Variants in VPS33B observed in about 807,000 individuals in gnomAD.
The protein encoded by VPS33B is vacuolar protein sorting-associated protein 33B.
A neutral mutation model predicts 95.3 loss-of-function variants in VPS33B; 80 were observed. That is an observed-to-expected ratio of 0.84 (90% CI 0.70 to 1.01). The LOEUF (loss-of-function observed/expected upper bound fraction) is 1.01, where lower values mean the gene tolerates loss of function less well. Among genes scored for constraint, VPS33B ranks in the 50% least tolerant of loss-of-function variants. The pLI, the probability that VPS33B is intolerant of heterozygous loss-of-function variation, is 0.00. For synonymous variants in VPS33B, 280 were observed against 280.4 expected, an observed-to-expected ratio of 1.00 and a Z score of 0.01; for missense variants, 715 against 773.4, an observed-to-expected ratio of 0.92 and a Z score of 0.90.
intron 1 of VPS33B, 41 bp from the exon 2 acceptor site, chr15:91,017,926 T>A (rs370292050): frequency 3.4e-5 from 54 of 1,602,470 alleles, no homozygotes; most frequent in Non-Finnish European, 4.5e-5. Context: ...ACAGGTCACA[T>A]GAGCTTCCGC....
chr15:91,000,075 C>G lies in VPS33B; in HGVS notation c.1582-100G>C. On this transcript the variant is annotated intron_variant, in intron 20 of 22. Transcript: ENST00000333371. This position sits in a 1 kb window ranked among gnomAD's most constrained non-coding sequence, Gnocchi z 4.9. ...ACTGTCACATTTCTTGCTCATTACT[C>G]AAGTAGCAAAAAGTTGAGACAGGGC... 6.7e-7 allele frequency: 1 copy of G among 1,493,056 alleles called. No individual in the cohort carries two copies. Among genetic ancestry groups the G allele is most frequent in the Non-Finnish European group, 9.2e-7 (1 of 1,081,958 alleles). 92.5% of individuals were successfully genotyped at this position (1,493,056 alleles called of 1,614,324 possible). A position where few individuals can be genotyped will look rare whatever the true frequency, so the allele number is the denominator to read the frequency against.
rs2040790665 is a variant in VPS33B, at chr15:91,011,902, T to C, written c.357+1902A>G. ...TACTCGGGAAGCTGAGGCAGGAGAA[T>C]TGCTTGAACCTGGGAGGCGGAGGTT... On this transcript the variant is annotated intron_variant, in intron 5 of 22. Coordinates refer to ENST00000333371, the MANE Select transcript of VPS33B (RefSeq NM_018668.5). The surrounding 1 kb of genome is among the most constrained non-coding windows in gnomAD (Gnocchi z 5.5). Among the ~76,000 whole-genome samples, 1 of 152,034 alleles carries C rather than the reference T, an allele frequency of 6.6e-6. No homozygotes were observed. The highest frequency in any genetic ancestry group is 2.4e-5 in the African/African-American group (1 of 41,376).
Position 91,006,149 on chromosome 15 carries a change from CT to C in VPS33B, c.853-91del. 1 of 1,479,464 alleles carries C rather than the reference CT, an allele frequency of 6.8e-7. No homozygotes were observed. Among genetic ancestry groups the C allele is most frequent in the Non-Finnish European group, 9.4e-7 (1 of 1,067,594 alleles). The allele number at this position is 1,479,464 out of a possible 1,614,324, so 91.6% of individuals were successfully genotyped here. On this transcript the variant is annotated intron_variant, in intron 11 of 22. Transcript: ENST00000333371. This position sits in a 1 kb window ranked among gnomAD's most constrained non-coding sequence, Gnocchi z 5.4. Reference sequence around the variant, plus strand: ...AGTACAGGAAGGGTACTCAGGTGTTCTGGCAGAAATACAAAGAAAGCTGAGC... The same window carrying C: ...AGTACAGGAAGGGTACTCAGGTGTTCGGCAGAAATACAAAGAAAGCTGAGC...
In VPS33B at chr15:91,018,842, G is replaced by A. The variant is rs546235409; in HGVS notation, c.97-957C>T. ...TTGTTTGTTTGTTTTTTGAGATGAA[G>A]TCTCCCTCTGACACCCAGGCTGGAG... On this transcript the variant is annotated intron_variant, in intron 1 of 22. Transcript: ENST00000333371. This position sits in a 1 kb window ranked among gnomAD's most constrained non-coding sequence, Gnocchi z 4.7. Among the ~76,000 whole-genome samples, 4 of 152,208 alleles carry A rather than the reference G, an allele frequency of 2.6e-5. No homozygotes were observed. The South Asian group carries it at 8.3e-4, about 32-fold the overall frequency.
At position 91,009,905 on chromosome 15, in the gene VPS33B, C is replaced by G; in HGVS notation, c.358-59G>C. 1 of 1,598,342 alleles carries G rather than the reference C, an allele frequency of 6.3e-7. No homozygotes were observed. Among genetic ancestry groups the G allele is most frequent in the African/African-American group, 1.3e-5 (1 of 74,706 alleles). Reference sequence around the variant, plus strand: ...CTTCTTCTCTGTTCTCTCCATTTCTCTGGAGTTCCTCTGTGGTCACTGATG... The same window carrying G: ...CTTCTTCTCTGTTCTCTCCATTTCTGTGGAGTTCCTCTGTGGTCACTGATG... On this transcript the variant is annotated intron_variant, in intron 5 of 22. Transcript: ENST00000333371. The surrounding 1 kb of genome is among the most constrained non-coding windows in gnomAD (Gnocchi z 4.1).
Position 91,002,881 on chromosome 15 carries a change from C to T in VPS33B, c.1272+204G>A, listed in dbSNP as rs533395084. On this transcript the variant is annotated intron_variant, in intron 17 of 22. Transcript: ENST00000333371. The surrounding 1 kb of genome is among the most constrained non-coding windows in gnomAD (Gnocchi z 4.7). ...TTAATTCTCAGCACTGGCCATGCGC[C>T]GTCAGTGTGTGGGGTGAAACAAGGG... Among the ~76,000 whole-genome samples, 13 of 152,128 alleles carry T rather than the reference C, an allele frequency of 8.5e-5. No homozygotes were observed. The highest frequency in any genetic ancestry group is 2.7e-4 in the African/African-American group (11 of 41,496).
intron 1 of VPS33B, among the ~76,000 whole-genome samples, chr15:91,021,015 T>A (rs567275218): frequency 6.6e-6 from 1 of 152,356 alleles, no homozygotes; most frequent in South Asian, 2.1e-4. Flanking sequence ...TGTTACAAGC[T>A]ATATTTCTTA....
chr15:91,016,621 A>T (rs1404071590), intron 3 of VPS33B, among the ~76,000 whole-genome samples: 4 of 151,824 alleles, frequency 2.6e-5, no homozygotes, highest in Admixed American at 1.3e-4. Context: ...TGACCTCAGA[A>T]GATCCGCCCG....
Position 91,004,922 on chromosome 15 carries a change from T to G in VPS33B, c.1180A>C (p.Ile394Leu). 6.2e-7 allele frequency: 1 copy of G among 1,614,228 alleles called. No homozygotes were observed. The change falls in exon 16 of 23, where the codon ATA becomes CTA. Residue 394 changes from isoleucine (I) to leucine (L), a missense_variant. By Grantham distance (5) the Ile-to-Leu change is conservative (BLOSUM62 2). Transcript: ENST00000333371. ...AGGCACATGAGGCGCAGGCTTTCTA[T>G]AGGCGACACCTGCATAGGAAGAAAG... ...EEHIDRQVSP[I>L]ESLRLMCLLS...
In VPS33B at chr15:91,009,265, CTCTT is replaced by C. The variant is rs996542034; in HGVS notation, c.403+532_403+535del. ...CTTTCTTTTCCCTCCCTCCCTCTCT[CTCTT>C]TCTCTCTTTTCTTTTATTTTCTTTC... On this transcript the variant is annotated intron_variant, in intron 6 of 22. Coordinates refer to ENST00000333371, the MANE Select transcript of VPS33B (RefSeq NM_018668.5). This position sits in a 1 kb window ranked among gnomAD's most constrained non-coding sequence, Gnocchi z 4.1. Among the ~76,000 whole-genome samples the C allele has an allele frequency of 4.7e-5, 7 of 149,754 alleles. No individual in the cohort carries two copies. Among genetic ancestry groups the C allele is most frequent in the African/African-American group, 1.3e-4 (5 of 39,686 alleles).
In VPS33B at chr15:91,005,947, C is replaced by T; in HGVS notation, c.939+26G>A. 5.0e-6 allele frequency: 8 copies of T among 1,613,540 alleles called. No individual in the cohort carries two copies. Among genetic ancestry groups the T allele is most frequent in the South Asian group, 1.1e-5 (1 of 90,974 alleles). ...TTGGGAAGCCACTGAGGCAACAAAA[C>T]AGAGGAGCAGGGCTTGGAGCCTCAC... On this transcript the variant is annotated intron_variant, in intron 12 of 22. Transcript: ENST00000333371. The surrounding 1 kb of genome is among the most constrained non-coding windows in gnomAD (Gnocchi z 6.4).
rs1033575422 is a variant in VPS33B, at chr15:91,018,714, A to G, written c.97-829T>C. ...CCAGGGGTGCTGCTAGACATCCAAC[A>G]ATGCACAGGCCAGCCCCCACCACAA... On this transcript the variant is annotated intron_variant, in intron 1 of 22. Coordinates refer to ENST00000333371, the MANE Select transcript of VPS33B (RefSeq NM_018668.5). The surrounding 1 kb of genome is among the most constrained non-coding windows in gnomAD (Gnocchi z 4.7). Among the ~76,000 whole-genome samples the G allele has an allele frequency of 1.1e-4, 17 of 152,192 alleles. No individual in the cohort carries two copies. The highest frequency in any genetic ancestry group is 3.4e-4 in the African/African-American group (14 of 41,454).
At position 91,005,187 on chromosome 15, in the gene VPS33B, T is replaced by C. The variant is rs1207620106; in HGVS notation, c.1106-68A>G. The C allele has an allele frequency of 6.2e-7, 1 of 1,613,446 alleles. No homozygotes were observed. Among genetic ancestry groups the C allele is most frequent in the Non-Finnish European group, 8.5e-7 (1 of 1,179,976 alleles). On this transcript the variant is annotated intron_variant, in intron 14 of 22. Coordinates refer to ENST00000333371, the MANE Select transcript of VPS33B (RefSeq NM_018668.5). The surrounding 1 kb of genome is among the most constrained non-coding windows in gnomAD (Gnocchi z 6.4). ...AGCTGCTGCCATCTATGCTAACAGG[T>C]GTCTGTCTCCCCATCTCTTTCTCCA... is the stretch of plus-strand genomic sequence containing the variant.
At chr15:91,008,263 T>C (rs2040674540) in intron 6 of VPS33B, among the ~76,000 whole-genome samples, 1 of 152,104 alleles carries the variant, frequency 6.6e-6, no homozygotes, top group South Asian at 2.1e-4. Flanking sequence ...CATTCATTCA[T>C]TATTTATTTA....
Position 91,000,656 on chromosome 15 carries a change from G to T in VPS33B, c.1480-65C>A. 1 of 1,436,244 alleles carries T rather than the reference G, an allele frequency of 7.0e-7. No individual in the cohort carries two copies. 89.0% of individuals were successfully genotyped at this position (1,436,244 alleles called of 1,614,324 possible). A position where few individuals can be genotyped will look rare whatever the true frequency, so the allele number is the denominator to read the frequency against. On this transcript the variant is annotated intron_variant, in intron 19 of 22. Coordinates refer to ENST00000333371, the MANE Select transcript of VPS33B (RefSeq NM_018668.5). The surrounding 1 kb of genome is among the most constrained non-coding windows in gnomAD (Gnocchi z 4.9). Reference sequence around the variant, plus strand: ...AGCTCCCTAACCCTTTAAAGGGTCAGATAAAGTGGCATGGCCCAAGGAACA... The same window carrying T: ...AGCTCCCTAACCCTTTAAAGGGTCATATAAAGTGGCATGGCCCAAGGAACA...
intron 16 of VPS33B, 49 bp from the exon 17 acceptor site, chr15:91,003,180 G>T: frequency 6.3e-7 from 1 of 1,593,962 alleles, no homozygotes; most frequent in Non-Finnish European, 8.6e-7. Flanking sequence ...GGCCGGCAGA[G>T]GCACCCTAAA....
intron 2 of VPS33B, among the ~76,000 whole-genome samples, chr15:91,017,248 T>C (rs897114382): frequency 1.3e-5 from 2 of 149,566 alleles, no homozygotes; most frequent in African/African-American, 2.5e-5. Context: ...ATGGGCCAGG[T>C]GTGGTGGCTC....
At chr15:91,004,838 C>T (rs2040552075) in intron 16 of VPS33B, 39 bp downstream of exon 16, 2 of 1,612,382 alleles carry the variant, frequency 1.2e-6, no homozygotes, top group South Asian at 2.2e-5. Context: ...GGCATAGTTT[C>T]TCAATCTGAC....
rs2040577541 is a variant in VPS33B, at chr15:91,005,566, A to T, written c.1031-112T>A. ...GCAAAATCCGAAAGCACTTCTTCCC[A>T]CTTTACACCAAGTAAGACCATATGC... On this transcript the variant is annotated intron_variant, in intron 13 of 22. Coordinates refer to ENST00000333371, the MANE Select transcript of VPS33B (RefSeq NM_018668.5). This position sits in a 1 kb window ranked among gnomAD's most constrained non-coding sequence, Gnocchi z 6.4. The T allele has an allele frequency of 6.3e-7, 1 of 1,581,194 alleles. No individual in the cohort carries two copies. Among genetic ancestry groups the T allele is most frequent in the South Asian group, 1.1e-5 (1 of 90,388 alleles).
Sources: gnomAD v4.1 joint callset for allele counts (sites outside exome capture counted in the v4.1 genomes callset) on GRCh38, gnomAD v4.1.1 for gene constraint, Gnocchi (gnomAD v3.1) non-coding constraint, MANE v1.5 for transcripts, NCBI Gene and HGNC (gene_info 2026-07-23, HGNC 2026-07-21) for gene names.